HECW2: variants seen among roughly 807,000 people sequenced by gnomAD.
HECW2 encodes the protein HECT, C2 and WW domain containing E3 ubiquitin protein ligase 2, also known as E3 ubiquitin-protein ligase HECW2.
HECW2 carries 61 observed loss-of-function variants against 175.2 expected under a neutral mutation model. That is an observed-to-expected ratio of 0.35 (90% CI 0.28 to 0.43). The LOEUF is 0.43. Ranked by LOEUF, HECW2 falls within the 20% of genes least tolerant of loss-of-function variation. HECW2 has a pLI of 1.00. For missense variants in HECW2, 1,524 were observed against 2,000.5 expected, an observed-to-expected ratio of 0.76 and a Z score of 4.54; for synonymous variants, 671 against 731.0, an observed-to-expected ratio of 0.92 and a Z score of 1.32.
rs1159980533 is a variant in HECW2, at chr2:196,200,255, T to C, written c.*1022A>G. The C allele has an allele frequency of 1.3e-5, 2 of 152,624 alleles. No individual in the cohort carries two copies. Among genetic ancestry groups the C allele is most frequent in the Non-Finnish European group, 2.9e-5 (2 of 68,010 alleles). 9.5% of individuals were successfully genotyped at this position (152,624 alleles called of 1,614,324 possible). On this transcript the variant is annotated 3_prime_UTR_variant, in exon 29 of 29. Coordinates refer to ENST00000644978, the MANE Select transcript of HECW2 (RefSeq NM_001348768.2). ...ATTTTCTATTATACTTCTCAAGTGA[T>C]GGAGTTGCTGTTAGTCATATTGTAA...
chr2:196,289,219 T>C (rs2106020258), intron 14 of HECW2: 1 of 152,354 alleles, frequency 6.6e-6, no homozygotes, highest in African/African-American at 2.4e-5. Flanking sequence ...AGAACATTTC[T>C]GTTAAGAACC....
At chr2:196,545,560 G>GA (rs1239539606) in intron 1 of HECW2, among the ~76,000 whole-genome samples, 5 of 152,188 alleles carry the variant, frequency 3.3e-5, no homozygotes, top group African/African-American at 1.2e-4. Flanking sequence ...AGCATTAGTT[G>GA]AAAGCATTTA....
At chr2:196,483,971 AT>A (rs1686922854) in intron 1 of HECW2, among the ~76,000 whole-genome samples, 1 of 152,176 alleles carries the variant, frequency 6.6e-6, no homozygotes, top group South Asian at 2.1e-4. Context: ...TATAACAGTG[AT>A]GTATGTATGG....
At chr2:196,231,348 C>A (rs1688049875) in intron 21 of HECW2, among the ~76,000 whole-genome samples, 1 of 152,078 alleles carries the variant, frequency 6.6e-6, no homozygotes, top group Non-Finnish European at 1.5e-5. Flanking sequence ...AGGCAGGTGC[C>A]CTGACCCCAA....
intron 2 of HECW2, among the ~76,000 whole-genome samples, chr2:196,418,470 T>G (rs1019002356): frequency 7.9e-5 from 12 of 152,266 alleles, no homozygotes; most frequent in Admixed American, 5.9e-4. Flanking sequence ...AAAACAGCAC[T>G]TGCTTGTACT....
chr2:196,445,592 A>G (rs928199711), intron 1 of HECW2, among the ~76,000 whole-genome samples: 1 of 152,228 alleles, frequency 6.6e-6, no homozygotes, highest in Non-Finnish European at 1.5e-5. Flanking sequence ...TACAAAAAAT[A>G]AAAGTCAAGC....
chr2:196,341,499 G>A (rs1408121482), intron 3 of HECW2, among the ~76,000 whole-genome samples: 1 of 152,174 alleles, frequency 6.6e-6, no homozygotes, highest in African/African-American at 2.4e-5. Context: ...GGCAATGTTG[G>A]AAAGTTACAT....
chr2:196,588,008 T>G (rs1254120739), intron 1 of HECW2, among the ~76,000 whole-genome samples: 1 of 152,232 alleles, frequency 6.6e-6, no homozygotes, highest in Admixed American at 6.5e-5. Flanking sequence ...GTATTTGTAT[T>G]AAGCAACTTC....
intron 2 of HECW2, among the ~76,000 whole-genome samples, chr2:196,385,208 G>A (rs1269089847): frequency 6.6e-6 from 1 of 151,566 alleles, no homozygotes; most frequent in Admixed American, 6.6e-5. Context: ...CATTGTGCCT[G>A]GTCTGATGGT....
chr2:196,557,118 G>A (rs1285542706), intron 1 of HECW2, among the ~76,000 whole-genome samples: 2 of 152,130 alleles, frequency 1.3e-5, no homozygotes, highest in Non-Finnish European at 2.9e-5. Flanking sequence ...ATGTCTGGCA[G>A]GGTGCAGTGA....
intron 15 of HECW2, among the ~76,000 whole-genome samples, chr2:196,278,267 C>T (rs1429933950): frequency 6.8e-6 from 1 of 146,918 alleles, no homozygotes. Flanking sequence ...TTATCAACAC[C>T]CTCTCACCTT....
At chr2:196,227,601 A>G (rs1687901507) in intron 22 of HECW2, among the ~76,000 whole-genome samples, 1 of 152,118 alleles carries the variant, frequency 6.6e-6, no homozygotes, top group Non-Finnish European at 1.5e-5. Flanking sequence ...ACTGCCCACT[A>G]GAGCACCATC....
At position 196,322,393 on chromosome 2, in the gene HECW2, A is replaced by G. The variant is rs1575413309; in HGVS notation, c.884+85T>C. The G allele has an allele frequency of 1.0e-5, 11 of 1,095,420 alleles. No individual in the cohort carries two copies. In the East Asian group the frequency reaches 1.9e-4, roughly 19 times the overall value. 67.9% of individuals were successfully genotyped at this position (1,095,420 alleles called of 1,614,324 possible). A position where few individuals can be genotyped will look rare whatever the true frequency, so the allele number is the denominator to read the frequency against. On this transcript the variant is annotated intron_variant, in intron 7 of 28. Coordinates refer to ENST00000644978, the MANE Select transcript of HECW2 (RefSeq NM_001348768.2). Reference sequence around the variant, plus strand: ...GTGTTACTACTTCTTATCAGTATGAAAAGTCCTAGGACTACCAAGTTTCAT... The same window carrying G: ...GTGTTACTACTTCTTATCAGTATGAGAAGTCCTAGGACTACCAAGTTTCAT...
intron 2 of HECW2, among the ~76,000 whole-genome samples, chr2:196,377,707 A>G (rs1337730135): frequency 6.6e-6 from 1 of 152,246 alleles, no homozygotes; most frequent in Non-Finnish European, 1.5e-5. Flanking sequence ...TTCCTGAAAT[A>G]TCCTCAGCAT....
Position 196,319,401 on chromosome 2 carries a change from C to G in HECW2, c.1489G>C (p.Ala497Pro). The change falls in exon 9 of 29, where the codon GCT becomes CCT. Residue 497 changes from alanine (A) to proline (P), a missense_variant. Coordinates refer to ENST00000644978, the MANE Select transcript of HECW2 (RefSeq NM_001348768.2). ...TGAGATGTCAGGCTTCCATCATCAGCTCTGGATGCCCTGCTAAACATGATC... is the reference window on the plus strand; with the variant it reads ...TGAGATGTCAGGCTTCCATCATCAGGTCTGGATGCCCTGCTAAACATGATC... ...GLIMFSRASRADDGSLTSQTK... is the reference protein window; with the variant it reads ...GLIMFSRASRPDDGSLTSQTK... 6.2e-7 allele frequency: 1 copy of G among 1,614,044 alleles called. No homozygotes were observed. Among genetic ancestry groups the G allele is most frequent in the Non-Finnish European group, 8.5e-7 (1 of 1,179,966 alleles).
At chr2:196,483,095 A>T (rs1370188262) in intron 1 of HECW2, among the ~76,000 whole-genome samples, 1 of 75,250 alleles carries the variant, frequency 1.3e-5, no homozygotes, top group East Asian at 2.5e-4. Context: ...TCATAGTTGT[A>T]AAAAAAAAAA....
At position 196,512,014 on chromosome 2, in the gene HECW2, A is replaced by C. The variant is rs371572435; in HGVS notation, c.-35-78556T>G. Among the ~76,000 whole-genome samples, 67 of 152,328 alleles carry C rather than the reference A, an allele frequency of 4.4e-4. No individual in the cohort carries two copies. The South Asian group carries it at 0.014, about 32-fold the overall frequency. ...TGTTCTGTGGAGCAGGAATGATTTTAACACACTACTCTATGCCAGAGGTCA... is the reference window on the plus strand; with the variant it reads ...TGTTCTGTGGAGCAGGAATGATTTTCACACACTACTCTATGCCAGAGGTCA... On this transcript the variant is annotated intron_variant, in intron 1 of 28. Transcript: ENST00000644978.
intron 25 of HECW2, among the ~76,000 whole-genome samples, chr2:196,220,408 CTA>C (rs1207672358): frequency 8.5e-5 from 13 of 152,150 alleles, no homozygotes; most frequent in Admixed American, 2.6e-4. Context: ...CTTTAGGAAA[CTA>C]TCTAGTGTTT....
intron 2 of HECW2, among the ~76,000 whole-genome samples, chr2:196,370,887 C>T (rs892824202): frequency 6.6e-6 from 1 of 152,218 alleles, no homozygotes; most frequent in Non-Finnish European, 1.5e-5. Context: ...GTGCCACTTG[C>T]TGCTGCTGGA....
Sources: gnomAD v4.1 joint callset for allele counts (sites outside exome capture counted in the v4.1 genomes callset) on GRCh38, gnomAD v4.1.1 for gene constraint, MANE v1.5 for transcripts, NCBI Gene and HGNC (gene_info 2026-07-23, HGNC 2026-07-21) for gene names.